EYS: variants seen among roughly 807,000 people sequenced by gnomAD.
The protein encoded by EYS is protein eyes shut homolog.
Under a neutral mutation model 282.1 loss-of-function variants are expected in EYS, and 250 were observed. The ratio of observed to expected loss-of-function variants is 0.89; its 90% CI spans 0.80 to 0.98. The LOEUF is 0.98. Ranked by LOEUF, EYS falls within the 50% of genes least tolerant of loss-of-function variation. The probability of loss-of-function intolerance (pLI) is 0.00; values close to 1 mark genes in which losing one functional copy is unlikely to be tolerated. For synonymous variants in EYS, 1,355 were observed against 1,282.9 expected (o/e 1.06, Z -1.20); for missense variants, 4,016 against 3,709.0 (o/e 1.08, Z -2.15).
At chr6:63,830,846 C>A (rs559295248) in intron 36 of EYS, among the ~76,000 whole-genome samples, 2 of 152,306 alleles carry the variant, frequency 1.3e-5, no homozygotes, top group African/African-American at 2.4e-5. Flanking sequence ...AAGGGAAGCC[C>A]ATCAGAGTAA....
At chr6:65,395,847 A>C (rs1446721575) in intron 7 of EYS, among the ~76,000 whole-genome samples, 1 of 150,476 alleles carries the variant, frequency 6.6e-6, no homozygotes, top group African/African-American at 2.5e-5. Flanking sequence ...TAACCCTTTG[A>C]ACACCCCCCA....
intron 2 of EYS, among the ~76,000 whole-genome samples, chr6:65,620,953 G>A (rs1318914801): frequency 1.3e-5 from 2 of 152,146 alleles, no homozygotes; most frequent in Non-Finnish European, 2.9e-5. Context: ...TACATTTGCT[G>A]AGGACAGCTT....
intron 37 of EYS, chr6:63,797,088 A>C: frequency 6.6e-6 from 1 of 152,184 alleles, no homozygotes; most frequent in East Asian, 1.9e-4. Flanking sequence ...TGATTTCTGA[A>C]AGAAGGAAAC....
intron 2 of EYS, among the ~76,000 whole-genome samples, chr6:65,580,836 G>A (rs1000840454): frequency 6.6e-6 from 1 of 151,952 alleles, no homozygotes; most frequent in South Asian, 2.1e-4. Flanking sequence ...CAAGTGTCAT[G>A]TCTCCCCCAG....
At chr6:64,076,292 T>C (rs1307769573) in intron 32 of EYS, among the ~76,000 whole-genome samples, 1 of 151,882 alleles carries the variant, frequency 6.6e-6, no homozygotes, top group East Asian at 1.9e-4. Context: ...ACTATCAAGG[T>C]TGAATAACTC....
intron 35 of EYS, among the ~76,000 whole-genome samples, chr6:63,978,475 T>C (rs1766945191): frequency 2.0e-5 from 3 of 151,968 alleles, no homozygotes; most frequent in Non-Finnish European, 4.4e-5. Flanking sequence ...GGTTAAATAT[T>C]TGAAAATGTC....
chr6:64,358,611 G>A (rs1293247109), intron 29 of EYS, among the ~76,000 whole-genome samples: 14 of 151,608 alleles, frequency 9.2e-5, no homozygotes, highest in Admixed American at 9.2e-4. Flanking sequence ...ACTATTGGAA[G>A]TTGGCTCTCT....
At chr6:64,185,368 ACTT>A (rs1198306781) in intron 31 of EYS, among the ~76,000 whole-genome samples, 3 of 131,656 alleles carry the variant, frequency 2.3e-5, no homozygotes, top group Non-Finnish European at 4.9e-5. Context: ...TACTGTATTC[ACTT>A]GATTATTTTT....
chr6:64,635,639 T>A (rs1308698515), intron 22 of EYS, among the ~76,000 whole-genome samples: 1 of 152,220 alleles, frequency 6.6e-6, no homozygotes, highest in African/African-American at 2.4e-5. Context: ...TTGATTTGCG[T>A]ATATTGAACC....
At chr6:64,386,393 T>A (rs571818804) in intron 29 of EYS, among the ~76,000 whole-genome samples, 5 of 152,158 alleles carry the variant, frequency 3.3e-5, no homozygotes, top group Non-Finnish European at 7.4e-5. Context: ...TCACGTCTTA[T>A]ATGGCATCAG....
chr6:64,288,095 C>T (rs1453016687), intron 30 of EYS, among the ~76,000 whole-genome samples: 1 of 152,098 alleles, frequency 6.6e-6, no homozygotes, highest in Non-Finnish European at 1.5e-5. Flanking sequence ...CTTCGAAAAG[C>T]CAGTTCTTTC....
At chr6:65,209,366 A>T (rs1223328184) in intron 12 of EYS, among the ~76,000 whole-genome samples, 1 of 151,802 alleles carries the variant, frequency 6.6e-6, no homozygotes, top group African/African-American at 2.4e-5. Context: ...AAAAGAAAAA[A>T]TATGTGAGAA....
At chr6:65,322,335 A>G (rs954307553) in intron 11 of EYS, among the ~76,000 whole-genome samples, 2 of 152,176 alleles carry the variant, frequency 1.3e-5, no homozygotes, top group African/African-American at 4.8e-5. Context: ...TCATTTTGGA[A>G]ACACAGGTCT....
At chr6:64,489,327 A>T (rs1270886656) in intron 26 of EYS, among the ~76,000 whole-genome samples, 1 of 150,720 alleles carries the variant, frequency 6.6e-6, no homozygotes, top group Non-Finnish European at 1.5e-5. Context: ...CAAATTTGTA[A>T]AACACTAGTC....
At chr6:64,327,979 GC>G (rs1337764343) in intron 29 of EYS, among the ~76,000 whole-genome samples, 2 of 152,162 alleles carry the variant, frequency 1.3e-5, no homozygotes, top group Non-Finnish European at 1.5e-5. Flanking sequence ...GTCAGGCCAT[GC>G]CCAAGCAATG....
At chr6:64,850,801 G>T (rs1417716009) in intron 19 of EYS, among the ~76,000 whole-genome samples, 1 of 151,974 alleles carries the variant, frequency 6.6e-6, no homozygotes, top group African/African-American at 2.4e-5. Flanking sequence ...TAAGAAGACC[G>T]ATCAGATAGA....
intron 13 of EYS, among the ~76,000 whole-genome samples, chr6:65,037,336 A>T (rs1772800557): frequency 6.6e-6 from 1 of 151,728 alleles, no homozygotes; most frequent in South Asian, 2.1e-4. Context: ...GAGGGCAAGG[A>T]TCAAAAAACT....
At chr6:64,347,505 A>C (rs1771453896) in intron 29 of EYS, among the ~76,000 whole-genome samples, 1 of 151,192 alleles carries the variant, frequency 6.6e-6, no homozygotes, top group African/African-American at 2.4e-5. Flanking sequence ...ATTTGGCTGC[A>C]TTTTTATATT....
In EYS at chr6:64,348,418, T is replaced by C. The variant is rs941051772; in HGVS notation, c.6078+40272A>G. Among the ~76,000 whole-genome samples the C allele has an allele frequency of 3.1e-3, 4 of 1,310 alleles. No individual in the cohort carries two copies. The Admixed American group carries it at 0.067, about 22-fold the overall frequency. The allele number at this position is 1,310 out of a possible 152,430, so 0.9% of individuals were successfully genotyped here. ...GCATTATGCAAGCTGAGCTCAGTTC[T>C]TTTCTTTCTCCCATGGAAGCCACTC... On this transcript the variant is annotated intron_variant, in intron 29 of 42. Transcript: ENST00000503581.
Sources: gnomAD v4.1 joint callset for allele counts (sites outside exome capture counted in the v4.1 genomes callset) on GRCh38, gnomAD v4.1.1 for gene constraint, MANE v1.5 for transcripts, NCBI Gene and HGNC (gene_info 2026-07-23, HGNC 2026-07-21) for gene names.